ARMH4: variants seen among roughly 807,000 people sequenced by gnomAD.
ARMH4 encodes the protein armadillo-like helical domain-containing protein 4.
ARMH4 carries 49 observed loss-of-function variants against 61.9 expected under a neutral mutation model. The ratio of observed to expected loss-of-function variants is 0.79; its 90% CI spans 0.63 to 1.00. The LOEUF (loss-of-function observed/expected upper bound fraction) is 1.00, where lower values mean the gene tolerates loss of function less well. ARMH4 is among the 50% of genes least tolerant of loss of function. The pLI, the probability that ARMH4 is intolerant of heterozygous loss-of-function variation, is 0.00. For missense variants in ARMH4, 934 were observed against 930.0 expected (o/e 1.00, Z -0.06); for synonymous variants, 368 against 341.5 (o/e 1.08, Z -0.85).
At chr14:58,121,965 T>C (rs1262987056) in intron 4 of ARMH4, among the ~76,000 whole-genome samples, 1 of 152,070 alleles carries the variant, frequency 6.6e-6, no homozygotes, top group Non-Finnish European at 1.5e-5. Flanking sequence ...CAGCATTGAG[T>C]TCAAATCAAA....
chr14:58,128,387 C>A (rs1886973417), intron 4 of ARMH4, among the ~76,000 whole-genome samples: 1 of 152,026 alleles, frequency 6.6e-6, no homozygotes, highest in African/African-American at 2.4e-5. Context: ...GTCATTATCC[C>A]ATTTTGAATA....
intron 5 of ARMH4, among the ~76,000 whole-genome samples, chr14:58,087,654 C>A (rs542542298): frequency 6.6e-6 from 1 of 152,276 alleles, no homozygotes; most frequent in East Asian, 1.9e-4. Flanking sequence ...TTAATGAATT[C>A]CTGAAGCTTC....
At chr14:58,048,934 TA>T (rs1884029752) in intron 5 of ARMH4, among the ~76,000 whole-genome samples, 1 of 151,970 alleles carries the variant, frequency 6.6e-6, no homozygotes, top group Non-Finnish European at 1.5e-5. Flanking sequence ...GAAACAAATT[TA>T]AGAAAAATGA....
chr14:58,100,013 G>A (rs893116695), intron 4 of ARMH4, among the ~76,000 whole-genome samples: 7 of 152,122 alleles, frequency 4.6e-5, no homozygotes, highest in African/African-American at 1.7e-4. Flanking sequence ...TGGACAGGTT[G>A]GCTTCTTCAT....
At chr14:58,124,188 T>C (rs1886823155) in intron 4 of ARMH4, among the ~76,000 whole-genome samples, 1 of 152,178 alleles carries the variant, frequency 6.6e-6, no homozygotes, top group African/African-American at 2.4e-5. Flanking sequence ...ACCCATTTAG[T>C]AAGATGGACA....
chr14:58,120,200 G>C (rs1012077643), intron 4 of ARMH4, among the ~76,000 whole-genome samples: 8 of 152,082 alleles, frequency 5.3e-5, no homozygotes, highest in African/African-American at 1.9e-4. Context: ...AAGTATTTGT[G>C]TATCTAAACA....
intron 4 of ARMH4, among the ~76,000 whole-genome samples, chr14:58,112,630 T>A (rs1886392279): frequency 6.6e-6 from 1 of 152,226 alleles, no homozygotes; most frequent in Admixed American, 6.5e-5. Context: ...TTCTTGCATC[T>A]CAGTCCCTCC....
chr14:58,097,781 C>A lies in ARMH4; in HGVS notation c.1832-800G>T, dbSNP rs560586198. 2.6e-5 allele frequency among the ~76,000 whole-genome samples: 4 copies of A among 151,754 alleles called. 1 individual carries two copies. Among genetic ancestry groups the A allele is most frequent in the Middle Eastern group, 6.3e-3 (2 of 316 alleles). On this transcript the variant is annotated intron_variant, in intron 4 of 7. Transcript: ENST00000267485. ...AGTGCAGTGGCGTGATCATGGTTCA[C>A]CACAGTCTCAGACTCCTGGACTCAA... is the stretch of plus-strand genomic sequence containing the variant.
intron 1 of ARMH4, among the ~76,000 whole-genome samples, chr14:58,144,671 T>A (rs1478456559): frequency 1.3e-5 from 2 of 152,096 alleles, no homozygotes; most frequent in Non-Finnish European, 2.9e-5. Context: ...ATTGAGACCA[T>A]CCTGGCTAAC....
In ARMH4 at chr14:58,077,942, T is replaced by C. The variant is rs938077898; in HGVS notation, c.2089+18782A>G. 2.6e-5 allele frequency among the ~76,000 whole-genome samples: 4 copies of C among 152,332 alleles called. No individual in the cohort carries two copies. In the South Asian group the frequency reaches 8.3e-4, roughly 32 times the overall value. On this transcript the variant is annotated intron_variant, in intron 5 of 7. Coordinates refer to ENST00000267485, the MANE Select transcript of ARMH4 (RefSeq NM_001001872.4). Reference sequence around the variant, plus strand: ...GAAATTTTCAGGAACTACTACCAATTGTGTACTGTGTACCCATGTAGACTC... The same window carrying C: ...GAAATTTTCAGGAACTACTACCAATCGTGTACTGTGTACCCATGTAGACTC...
chr14:58,119,126 A>G (rs1456333771), intron 4 of ARMH4, among the ~76,000 whole-genome samples: 1 of 152,246 alleles, frequency 6.6e-6, no homozygotes, highest in Non-Finnish European at 1.5e-5. Flanking sequence ...TAAATCTTTC[A>G]GGACCAATGT....
chr14:58,138,619 G>A lies in ARMH4; in HGVS notation c.740C>T (p.Pro247Leu), dbSNP rs1454325101. The change falls in exon 2 of 8, where the codon CCT becomes CTT. Residue 247 changes from proline (P) to leucine (L), a missense_variant. Transcript: ENST00000267485. ...PGAESTAGSE[P>L]GSLTPDKEKP... ...CTCCTTATCAGGGGTGAGGCTTCCA[G>A]GCTCACTGCCTGCTGTGGACTCAGC... is the stretch of plus-strand genomic sequence containing the variant. The A allele has an allele frequency of 6.2e-7, 1 of 1,614,044 alleles. No homozygotes were observed. Among genetic ancestry groups the A allele is most frequent in the African/African-American group, 1.3e-5 (1 of 74,934 alleles).
At chr14:58,100,030 T>G (rs1200589477) in intron 4 of ARMH4, among the ~76,000 whole-genome samples, 4 of 152,126 alleles carry the variant, frequency 2.6e-5, no homozygotes, top group Non-Finnish European at 5.9e-5. Context: ...TCATAATGAC[T>G]AAAAGAAGAC....
chr14:58,072,015 T>C (rs1015661096), intron 5 of ARMH4, among the ~76,000 whole-genome samples: 2 of 152,244 alleles, frequency 1.3e-5, no homozygotes, highest in Admixed American at 1.3e-4. Flanking sequence ...GTTTCCCTTG[T>C]TGTCTCCTTC....
chr14:58,018,505 A>G (rs1213205893), intron 5 of ARMH4, among the ~76,000 whole-genome samples: 2 of 152,136 alleles, frequency 1.3e-5, no homozygotes, highest in Non-Finnish European at 2.9e-5. Flanking sequence ...CAAAAAGTAC[A>G]TGAAAAATGT....
chr14:58,102,765 T>C (rs1186075113), intron 4 of ARMH4, among the ~76,000 whole-genome samples: 3 of 125,852 alleles, frequency 2.4e-5, no homozygotes, highest in East Asian at 4.8e-4. Context: ...GAGCCGAGAT[T>C]GCGCCACTGC....
chr14:58,029,042 C>T (rs189020001), intron 5 of ARMH4, among the ~76,000 whole-genome samples: 1 of 152,184 alleles, frequency 6.6e-6, no homozygotes, highest in East Asian at 1.9e-4. Flanking sequence ...CAACACCCCC[C>T]CTCCAAATAC....
At chr14:58,112,126 T>C (rs1886372768) in intron 4 of ARMH4, among the ~76,000 whole-genome samples, 1 of 152,164 alleles carries the variant, frequency 6.6e-6, no homozygotes, top group Non-Finnish European at 1.5e-5. Context: ...CTTCAACAAA[T>C]AAATTTTCTA....
chr14:58,131,350 T>C, intron 4 of ARMH4, 162 bp downstream of exon 4: 1 of 552,354 alleles, frequency 1.8e-6, no homozygotes, highest in Non-Finnish European at 3.2e-6. Context: ...TTACAAACCA[T>C]TCAAAAACAA....
Sources: gnomAD v4.1 joint callset for allele counts (sites outside exome capture counted in the v4.1 genomes callset) on GRCh38, gnomAD v4.1.1 for gene constraint, MANE v1.5 for transcripts, NCBI Gene and HGNC (gene_info 2026-07-23, HGNC 2026-07-21) for gene names.